ARID1A: variants seen among roughly 807,000 people sequenced by gnomAD.
ARID1A encodes the protein AT-rich interaction domain 1A.
A neutral mutation model predicts 212.6 loss-of-function variants in ARID1A; 20 were observed. The ratio of observed to expected loss-of-function variants is 0.09; its 90% CI spans 0.07 to 0.14. The LOEUF (loss-of-function observed/expected upper bound fraction) is 0.14. Ranked by LOEUF, ARID1A falls within the 10% of genes least tolerant of loss-of-function variation. The probability of loss-of-function intolerance (pLI) is 1.00; values close to 1 mark genes in which losing one functional copy is unlikely to be tolerated. For synonymous variants in ARID1A, 1,376 were observed against 1,222.1 expected (o/e 1.13, Z -2.63); for missense variants, 2,587 against 3,059.0 (o/e 0.85, Z 3.64).
chr1:26,767,233 A>G (rs1384835194), intron 10 of ARID1A, among the ~76,000 whole-genome samples: 1 of 152,240 alleles, frequency 6.6e-6, no homozygotes, highest in Non-Finnish European at 1.5e-5. Context: ...CCTGTCTTGT[A>G]CAGGATAATA....
intron 4 of ARID1A, among the ~76,000 whole-genome samples, 187 bp from the exon 5 acceptor site, chr1:26,760,669 C>CA (rs1387688279): frequency 1.3e-5 from 2 of 150,734 alleles, no homozygotes; most frequent in African/African-American, 2.4e-5. Context: ...GCCTGGGCAA[C>CA]GAGTGAAACA....
rs540551356 is a variant in ARID1A, at chr1:26,697,234, C to T, written c.831C>T (p.Gly277=). 5.1e-6 allele frequency: 7 copies of T among 1,373,226 alleles called. No individual in the cohort carries two copies. The South Asian group carries it at 7.0e-5, about 14-fold the overall frequency. 85.1% of individuals were successfully genotyped at this position (1,373,226 alleles called of 1,614,324 possible). Residue 277 remains glycine (G), a synonymous_variant, in exon 1 of 20, where the codon GGC becomes GGT. Transcript: ENST00000324856. ...AGCGCTTCGGGGCCATGGGGGGAGG[C>T]GGCCCCTCCGCGGCCGGCGGGGGAA... ...AQQRFGAMGG[G]GPSAAGGGTP...
At chr1:26,739,893 C>G (rs571663492) in intron 4 of ARID1A, among the ~76,000 whole-genome samples, 1 of 152,088 alleles carries the variant, frequency 6.6e-6, no homozygotes, top group East Asian at 1.9e-4. Flanking sequence ...TTATCTCTCA[C>G]CTGGTGTCTT....
chr1:26,743,200 C>T (rs776581083), intron 4 of ARID1A, among the ~76,000 whole-genome samples: 1 of 152,130 alleles, frequency 6.6e-6, no homozygotes, highest in Non-Finnish European at 1.5e-5. Flanking sequence ...CTCATTTGTA[C>T]CTTAAGCTCC....
At chr1:26,758,596 G>T (rs2080962230) in intron 4 of ARID1A, among the ~76,000 whole-genome samples, 2 of 151,492 alleles carry the variant, frequency 1.3e-5, no homozygotes, top group African/African-American at 4.8e-5. Flanking sequence ...TGCAGCCTGG[G>T]GTAACAGAGT....
At chr1:26,732,232 A>C (rs1570576728) in intron 3 of ARID1A, among the ~76,000 whole-genome samples, 2 of 152,226 alleles carry the variant, frequency 1.3e-5, no homozygotes, top group South Asian at 4.1e-4. Context: ...AGCCCAAAGA[A>C]AAGAGATGAC....
rs2124067768 is a variant in ARID1A, at chr1:26,762,998, T to C, written c.2445T>C (p.Tyr815=). Reference sequence around the variant, plus strand: ...GTGGCTACCCCAGGCAGCCAAACTATAATGCCTTGCCCAATGCCAACTACC... The same window carrying C: ...GTGGCTACCCCAGGCAGCCAAACTACAATGCCTTGCCCAATGCCAACTACC... The part of the protein sequence containing the change: ...PQGGYPRQPN[Y]NALPNANYPS... The change falls in exon 8 of 20, where the codon TAT becomes TAC. Residue 815 remains tyrosine (Y), a synonymous_variant. Transcript: ENST00000324856. 6.2e-7 allele frequency: 1 copy of C among 1,601,550 alleles called. No homozygotes were observed. Among genetic ancestry groups the C allele is most frequent in the Non-Finnish European group, 8.5e-7 (1 of 1,169,640 alleles).
Position 26,771,410 on chromosome 1 carries a change from T to C in ARID1A, c.3406+84T>C, listed in dbSNP as rs1216170914. 7.2e-7 allele frequency: 1 copy of C among 1,392,054 alleles called. No individual in the cohort carries two copies. The highest frequency in any genetic ancestry group is 1.0e-6 in the Non-Finnish European group (1 of 1,002,360). 86.2% of individuals were successfully genotyped at this position (1,392,054 alleles called of 1,614,324 possible). On this transcript the variant is annotated intron_variant, in intron 12 of 19. Coordinates refer to ENST00000324856, the MANE Select transcript of ARID1A (RefSeq NM_006015.6). This position sits in a 1 kb window ranked among gnomAD's most constrained non-coding sequence, Gnocchi z 5.4. The stretch of plus-strand genomic sequence containing the variant: ...ATTCAGGATATGAATAAGAGGCTTA[T>C]CCAACAGGATATGCCAAGGATCTGT...
chr1:26,741,679 A>AT (rs988805971), intron 4 of ARID1A, among the ~76,000 whole-genome samples: 1 of 152,214 alleles, frequency 6.6e-6, no homozygotes, highest in Non-Finnish European at 1.5e-5. Flanking sequence ...GATCATACTC[A>AT]TTTCCTCAGG....
At chr1:26,711,780 A>G (rs1485631302) in intron 1 of ARID1A, among the ~76,000 whole-genome samples, 1 of 152,082 alleles carries the variant, frequency 6.6e-6, no homozygotes, top group Non-Finnish European at 1.5e-5. Flanking sequence ...AAGGTGGGAA[A>G]GGTATTTTAA....
intron 4 of ARID1A, among the ~76,000 whole-genome samples, chr1:26,752,471 G>GGT (rs1351464424): frequency 6.6e-6 from 1 of 152,194 alleles, no homozygotes; most frequent in Non-Finnish European, 1.5e-5. Context: ...GTTCAGTAGA[G>GGT]GTAGTCCCTT....
intron 1 of ARID1A, among the ~76,000 whole-genome samples, chr1:26,714,180 G>T (rs1280240334): frequency 2.6e-5 from 4 of 152,216 alleles, no homozygotes; most frequent in Admixed American, 2.0e-4. Flanking sequence ...GACAGCTGGT[G>T]ACTGGTATGG....
Position 26,779,479 on chromosome 1 carries a change from A to G in ARID1A, c.5581A>G (p.Ser1861Gly), listed in dbSNP as rs2124140602. The change falls in exon 20 of 20, where the codon AGC becomes GGC. Residue 1861 changes from serine (S) to glycine (G), a missense_variant. Ser to Gly is a moderately conservative substitution (Grantham distance 56). Transcript: ENST00000324856. ...TGAGCATATCCAGACCCACTTCGAG[A>G]GCAAGACAGAGCTGCTGCCTTCCCG... Reference protein sequence around the residue: ...TTEHIQTHFESKTELLPSRPH... With the variant: ...TTEHIQTHFEGKTELLPSRPH... The G allele has an allele frequency of 1.2e-6, 2 of 1,614,118 alleles. No homozygotes were observed. Among genetic ancestry groups the G allele is most frequent in the Non-Finnish European group, 1.7e-6 (2 of 1,180,034 alleles).
intron 18 of ARID1A, 116 bp from the exon 19 acceptor site, chr1:26,775,461 A>G (rs1452562346): frequency 4.0e-5 from 59 of 1,473,738 alleles, no homozygotes; most frequent in Non-Finnish European, 4.9e-5. Context: ...TCTCCCAGAC[A>G]GAAACTGCCT....
In ARID1A at chr1:26,766,165, A is replaced by G. The variant is rs2124078688; in HGVS notation, c.2733-56A>G. On this transcript the variant is annotated intron_variant, in intron 8 of 19. Coordinates refer to ENST00000324856, the MANE Select transcript of ARID1A (RefSeq NM_006015.6). ...ACAGCACTATTTGGCTCCAGTTCAA[A>G]TCTAAAAGCTCAGAGTCTAACCTTT... The G allele has an allele frequency of 4.5e-6, 7 of 1,570,640 alleles. No individual in the cohort carries two copies. In the South Asian group the frequency reaches 8.3e-5, roughly 19 times the overall value.
At chr1:26,761,499 G>T in intron 6 of ARID1A, 26 bp downstream of exon 6, 1 of 1,612,104 alleles carries the variant, frequency 6.2e-7, no homozygotes, top group South Asian at 1.1e-5. Flanking sequence ...TTGGGGAGGG[G>T]CAGGGAGCTA....
At chr1:26,710,826 C>T (rs1185888347) in intron 1 of ARID1A, among the ~76,000 whole-genome samples, 1 of 152,028 alleles carries the variant, frequency 6.6e-6, no homozygotes, top group Non-Finnish European at 1.5e-5. Context: ...GTCTATGTGC[C>T]CTCCTATGAA....
chr1:26,697,060 C>A lies in ARID1A; in HGVS notation c.657C>A (p.Arg219=). ...AGTACAACTCCTACTACCCCAACCG[C>A]AGCGCCTACCCCCCGCCCGCCCCGG... ...NHQYNSYYPN[R]SAYPPPAPAY... Residue 219 remains arginine, a synonymous_variant, in exon 1 of 20, where the codon CGC becomes CGA. Transcript: ENST00000324856. The A allele has an allele frequency of 6.6e-7, 1 of 1,523,406 alleles. No individual in the cohort carries two copies. The highest frequency in any genetic ancestry group is 8.8e-7 in the Non-Finnish European group (1 of 1,139,766). The allele number at this position is 1,523,406 out of a possible 1,614,324, so 94.4% of individuals were successfully genotyped here.
Position 26,774,033 on chromosome 1 carries a change from T to G in ARID1A, c.4101+135T>G. The G allele has an allele frequency of 1.6e-6, 2 of 1,216,452 alleles. No homozygotes were observed. Among genetic ancestry groups the G allele is most frequent in the Non-Finnish European group, 2.3e-6 (2 of 865,036 alleles). 75.4% of individuals were successfully genotyped at this position (1,216,452 alleles called of 1,614,324 possible). A position where few individuals can be genotyped will look rare whatever the true frequency, so the allele number is the denominator to read the frequency against. On this transcript the variant is annotated intron_variant, in intron 17 of 19. Transcript: ENST00000324856. This position sits in a 1 kb window ranked among gnomAD's most constrained non-coding sequence, Gnocchi z 5.6. The stretch of plus-strand genomic sequence containing the variant: ...ATTCTTCTCTCACCTGACTGGCCAG[T>G]CCTGCCTGAAGAGCCACGTCCTCAA...
Sources: allele counts gnomAD v4.1 joint callset (sites outside exome capture counted in the v4.1 genomes callset), GRCh38; gene constraint gnomAD v4.1.1; non-coding constraint Gnocchi (gnomAD v3.1); transcripts MANE v1.5; gene names NCBI Gene and HGNC (gene_info 2026-07-23, HGNC 2026-07-21).